Variants in PDLIM4 observed in about 807,000 individuals in gnomAD.
PDLIM4 encodes PDZ and LIM domain protein 4.
PDLIM4 carries 19 observed loss-of-function variants against 31.3 expected under a neutral mutation model. That is an observed-to-expected ratio of 0.61 (90% CI 0.42 to 0.89). The LOEUF is 0.89. Among genes scored for constraint, PDLIM4 ranks in the 40% least tolerant of loss-of-function variants. The probability of loss-of-function intolerance (pLI) is 0.00; values close to 1 mark genes in which losing one functional copy is unlikely to be tolerated. For missense variants in PDLIM4, 442 were observed against 461.1 expected (o/e 0.96, Z 0.38); for synonymous variants, 176 against 190.1 (o/e 0.93, Z 0.61).
At chr5:132,268,945 G>A (rs1211617776) in intron 3 of PDLIM4, among the ~76,000 whole-genome samples, 1 of 152,186 alleles carries the variant, frequency 6.6e-6, no homozygotes, top group Non-Finnish European at 1.5e-5. Flanking sequence ...AGGACTGGGG[G>A]CCCAGGAATT....
At chr5:132,267,519 C>T (rs1756517274) in intron 3 of PDLIM4, among the ~76,000 whole-genome samples, 1 of 152,126 alleles carries the variant, frequency 6.6e-6, no homozygotes, top group Admixed American at 6.5e-5. Flanking sequence ...AAGCCAGGGG[C>T]CAAAGGAGCC....
At chr5:132,269,976 TTA>T (rs1175865992) in intron 3 of PDLIM4, among the ~76,000 whole-genome samples, 1 of 131,732 alleles carries the variant, frequency 7.6e-6, no homozygotes, top group African/African-American at 2.6e-5. Flanking sequence ...TGTGTTGTCC[TTA>T]TGTGTGTGTG....
intron 1 of PDLIM4, among the ~76,000 whole-genome samples, chr5:132,261,201 GGTGCCA>G: frequency 6.6e-6 from 1 of 152,318 alleles, no homozygotes; most frequent in East Asian, 1.9e-4. Context: ...AGGGTGGGAT[GGTGCCA>G]AGTGGGTGTC....
intron 4 of PDLIM4, 67 bp from the exon 5 acceptor site, chr5:132,271,236 A>T: frequency 6.5e-7 from 1 of 1,528,096 alleles, no homozygotes; most frequent in Non-Finnish European, 8.9e-7. Context: ...GCCTTACCAG[A>T]CCCCAAGTCC....
At chr5:132,268,568 A>C (rs1756540609) in intron 3 of PDLIM4, among the ~76,000 whole-genome samples, 1 of 152,188 alleles carries the variant, frequency 6.6e-6, no homozygotes, top group African/African-American at 2.4e-5. Context: ...GGCCTAGCCC[A>C]GGGTGGAGGA....
chr5:132,272,346 C>G lies in PDLIM4; in HGVS notation c.*117C>G. On this transcript the variant is annotated 3_prime_UTR_variant, in exon 7 of 7. Transcript: ENST00000253754. ...CTCCACCTTGAACCTGTCACCTGGC[C>G]TGCCACCCTCCTGCGCAGGCCATGC... The G allele has an allele frequency of 1.2e-6, 1 of 834,316 alleles. No homozygotes were observed. The highest frequency in any genetic ancestry group is 2.0e-6 in the Non-Finnish European group (1 of 511,920). The allele number at this position is 834,316 out of a possible 1,614,324, so 51.7% of individuals were successfully genotyped here.
chr5:132,265,933 G>A (rs942430197), intron 2 of PDLIM4, among the ~76,000 whole-genome samples: 2 of 152,098 alleles, frequency 1.3e-5, no homozygotes, highest in Non-Finnish European at 2.9e-5. Flanking sequence ...TTCCCATCTG[G>A]GCTGGGCAGA....
rs1050805 is a variant in PDLIM4, at chr5:132,271,011, C to T, written c.424C>T (p.Arg142Cys). 16 of 1,614,002 alleles carry T rather than the reference C, an allele frequency of 9.9e-6. No homozygotes were observed. The highest frequency in any genetic ancestry group is 2.2e-5 in the South Asian group (2 of 91,088). ...GGGATCTCCATATGGACAACCCCCT[C>T]GCTTTCCAGTCCCTCACAATGGCAG... ...SLGSPYGQPP[R>C]FPVPHNGSSE... The change falls in exon 4 of 7, where the codon CGC becomes TGC. Residue 142 changes from arginine to cysteine, a missense_variant. Coordinates refer to ENST00000253754, the MANE Select transcript of PDLIM4 (RefSeq NM_003687.4).
chr5:132,266,684 T>G, intron 3 of PDLIM4, 139 bp downstream of exon 3: 1 of 569,700 alleles, frequency 1.8e-6, no homozygotes, highest in South Asian at 2.5e-5. Flanking sequence ...AGAAGTTTTC[T>G]CTGGACCACA....
At position 132,264,864 on chromosome 5, in the gene PDLIM4, C is replaced by G. The variant is rs113785460; in HGVS notation, c.246-1600C>G. On this transcript the variant is annotated intron_variant, in intron 2 of 6. Coordinates refer to ENST00000253754, the MANE Select transcript of PDLIM4 (RefSeq NM_003687.4). ...CTCACTCCCAGGGTTCTACCCCAGA[C>G]CAGCTTCCCTATCTGCCCTCTTGTG... 7.4e-3 allele frequency among the ~76,000 whole-genome samples: 1,120 copies of G among 151,926 alleles called. 18 individuals are homozygous for G. The highest frequency in any genetic ancestry group is 0.026 in the African/African-American group (1,074 of 41,392).
At chr5:132,258,254 G>C (rs1290969674) in intron 1 of PDLIM4, among the ~76,000 whole-genome samples, 1 of 152,224 alleles carries the variant, frequency 6.6e-6, no homozygotes, top group African/African-American at 2.4e-5. Context: ...GCAGAGCTTG[G>C]TGACCCAGGG....
intron 2 of PDLIM4, 141 bp from the exon 3 acceptor site, chr5:132,266,323 A>G (rs1756490845): frequency 3.3e-6 from 2 of 602,972 alleles, no homozygotes; most frequent in African/African-American, 1.9e-5. Flanking sequence ...AACAGTCACC[A>G]TTGTGGTACA....
Position 132,267,789 on chromosome 5 carries a change from C to G in PDLIM4, c.327+1244C>G, listed in dbSNP as rs2126677336. ...GCAGGGCCACAGAAAGGCTCTTGGG[C>G]TTCTCTATCCTGGACCTCAGCTGTT... On this transcript the variant is annotated intron_variant, in intron 3 of 6. Transcript: ENST00000253754. Among the ~76,000 whole-genome samples the G allele has an allele frequency of 2.6e-5, 4 of 152,272 alleles. No individual in the cohort carries two copies. The South Asian group carries it at 8.3e-4, about 32-fold the overall frequency.
chr5:132,271,811 G>A lies in PDLIM4; in HGVS notation c.691G>A (p.Gly231Ser), dbSNP rs1405551146. ...TTCAGGGGATTGGCCCGGGCCTGGC[G>A]GCCCCCGGAACCTCAAGCCCACGGC... ...GEGGDWPGPG[G>S]PRNLKPTASK... The change falls in exon 6 of 7, where the codon GGC (glycine) becomes AGC (serine). Residue 231 changes from glycine to serine, a missense_variant. By Grantham distance (56) the Gly-to-Ser change is moderately conservative. Coordinates refer to ENST00000253754, the MANE Select transcript of PDLIM4 (RefSeq NM_003687.4). The A allele has an allele frequency of 1.2e-6, 2 of 1,612,294 alleles. No individual in the cohort carries two copies. Among genetic ancestry groups the A allele is most frequent in the African/African-American group, 1.3e-5 (1 of 74,896 alleles).
In PDLIM4 at chr5:132,271,926, C is replaced by A. The variant is rs1756631711; in HGVS notation, c.788+18C>A. 4.4e-6 allele frequency: 7 copies of A among 1,594,104 alleles called. No individual in the cohort carries two copies. The highest frequency in any genetic ancestry group is 5.2e-6 in the Non-Finnish European group (6 of 1,163,908). On this transcript the variant is annotated intron_variant, in intron 6 of 6. Coordinates refer to ENST00000253754, the MANE Select transcript of PDLIM4 (RefSeq NM_003687.4). ...GGCATCGTGTGAGTAACCGCCCCCG[C>A]TGCCCCTCCCGGACCCTAGCCTTCC...
chr5:132,270,430 C>T (rs1194995935), intron 3 of PDLIM4: 1 of 160,944 alleles, frequency 6.2e-6, no homozygotes, highest in Non-Finnish European at 1.4e-5. Flanking sequence ...CCCTTTCTGA[C>T]TGTAGGACAG....
intron 4 of PDLIM4, 50 bp downstream of exon 4, chr5:132,271,143 T>C: frequency 1.3e-6 from 2 of 1,571,330 alleles, no homozygotes; most frequent in South Asian, 1.1e-5. Context: ...TCTTAACCCT[T>C]GATCCCTCAA....
At chr5:132,266,629 A>G (rs2126676417) in intron 3 of PDLIM4, 84 bp downstream of exon 3, 1 of 844,016 alleles carries the variant, frequency 1.2e-6, no homozygotes, top group East Asian at 2.7e-5. Flanking sequence ...CCTGCACTGA[A>G]TGTCCTCACT....
Position 132,271,467 on chromosome 5 carries a change from G to A in PDLIM4, c.670+1G>A, listed in dbSNP as rs1424972585. 2.5e-6 allele frequency: 4 copies of A among 1,607,572 alleles called. No individual in the cohort carries two copies. The highest frequency in any genetic ancestry group is 2.5e-6 in the Non-Finnish European group (3 of 1,179,844). On this transcript the variant is annotated splice_donor_variant, in intron 5 of 6. Transcript: ENST00000253754. LOFTEE classifies it high-confidence loss of function. ...GGCATGCTAGAGGCCGGCGAGGGCGGTAAGACGCCTGCCACCTGTCCCCAT... is the reference window on the plus strand; with the variant it reads ...GGCATGCTAGAGGCCGGCGAGGGCGATAAGACGCCTGCCACCTGTCCCCAT...
Sources: allele counts gnomAD v4.1 joint callset (sites outside exome capture counted in the v4.1 genomes callset), GRCh38; gene constraint gnomAD v4.1.1; transcripts MANE v1.5; gene names NCBI Gene and HGNC (gene_info 2026-07-23, HGNC 2026-07-21).